The following PAK3 variants were observed in gnomAD, a reference collection of about 807,000 sequenced individuals.
PAK3 encodes p21 (RAC1) activated kinase 3, also known as serine/threonine-protein kinase PAK 3.
PAK3 carries 4 observed loss-of-function variants against 41.0 expected under a neutral mutation model. The ratio of observed to expected loss-of-function variants is 0.10; its 90% CI spans 0.05 to 0.22. The LOEUF is 0.22. Ranked by LOEUF, PAK3 falls within the 10% of genes least tolerant of loss-of-function variation. PAK3 has a pLI of 1.00. For synonymous variants in PAK3, 146 were observed against 139.6 expected (o/e 1.05, Z -0.32); for missense variants, 205 against 409.9 (o/e 0.50, Z 4.32).
At chrX:111,137,420 C>A (rs1207685598) in intron 5 of PAK3, among the ~76,000 whole-genome samples, 1 of 110,927 alleles carries the variant, frequency 9.0e-6, no homozygotes, top group Admixed American at 9.6e-5. Context: ...AAGGCTACCC[C>A]AGACTAACTG....
At chrX:111,012,959 T>C (rs1031401069) in intron 1 of PAK3, among the ~76,000 whole-genome samples, 5 of 111,660 alleles carry the variant, frequency 4.5e-5, no homozygotes, top group Non-Finnish European at 9.4e-5. Context: ...TATTTTTTAA[T>C]TTTTTAAAAA....
chrX:111,148,101 A>T (rs768408906), intron 7 of PAK3, among the ~76,000 whole-genome samples: 1 of 112,172 alleles, frequency 8.9e-6, no homozygotes, highest in African/African-American at 3.2e-5. Context: ...TAAGGTAATT[A>T]TTTAGTGAAG....
chrX:110,978,289 T>C (rs1168107027), intron 1 of PAK3, among the ~76,000 whole-genome samples: 1 of 111,538 alleles, frequency 9.0e-6, no homozygotes, highest in Non-Finnish European at 1.9e-5. Context: ...CATTTGGCTA[T>C]TTTTTTGTTT....
chrX:111,031,548 C>G (rs182342929), intron 1 of PAK3, among the ~76,000 whole-genome samples: 1,620 of 111,787 alleles, frequency 0.014, 27 homozygotes, highest in African/African-American at 0.049. Flanking sequence ...GTGGGAGCAG[C>G]TTTTCCTTTA....
intron 1 of PAK3, among the ~76,000 whole-genome samples, chrX:110,991,355 T>C (rs1334514859): frequency 2.7e-5 from 3 of 111,791 alleles, no homozygotes; most frequent in Non-Finnish European, 5.6e-5. Context: ...GCTATCATCA[T>C]CATCACCAGT....
At chrX:110,946,181 A>T (rs1385373373) in intron 1 of PAK3, among the ~76,000 whole-genome samples, 1 of 111,379 alleles carries the variant, frequency 9.0e-6, no homozygotes, top group Non-Finnish European at 1.9e-5. Flanking sequence ...AGTCTTGAAG[A>T]ATTAATTCAC....
intron 8 of PAK3, among the ~76,000 whole-genome samples, chrX:111,157,382 G>A (rs2149162243): frequency 8.9e-6 from 1 of 111,750 alleles, no homozygotes; most frequent in East Asian, 2.8e-4. Flanking sequence ...TGGAGTTCAT[G>A]GGTGGGCTTC....
At chrX:111,183,297 C>T (rs891763448) in intron 11 of PAK3, among the ~76,000 whole-genome samples, 1 of 111,077 alleles carries the variant, frequency 9.0e-6, no homozygotes, top group African/African-American at 3.3e-5. Flanking sequence ...GAGTATGGCT[C>T]AATAAGTGAA....
intron 1 of PAK3, among the ~76,000 whole-genome samples, chrX:111,053,745 C>G (rs2092580248): frequency 9.0e-6 from 1 of 110,989 alleles, no homozygotes; most frequent in Non-Finnish European, 1.9e-5. Context: ...GGGCCCTTAT[C>G]CACTGAATAG....
chrX:111,135,673 A>G (rs1211776484), intron 5 of PAK3, among the ~76,000 whole-genome samples: 1 of 111,673 alleles, frequency 9.0e-6, no homozygotes, highest in African/African-American at 3.3e-5. Flanking sequence ...CTCAAATGTC[A>G]GTTTTGACTG....
At chrX:110,972,930 T>C (rs2091242846) in intron 1 of PAK3, among the ~76,000 whole-genome samples, 1 of 111,679 alleles carries the variant, frequency 9.0e-6, no homozygotes, top group African/African-American at 3.3e-5. Flanking sequence ...CAAGCTTCAA[T>C]AGCCGATTCG....
intron 1 of PAK3, among the ~76,000 whole-genome samples, chrX:111,070,377 G>A (rs756081643): frequency 3.6e-5 from 4 of 111,788 alleles, no homozygotes; most frequent in Non-Finnish European, 5.6e-5. Flanking sequence ...GATTCAAAAA[G>A]TTCTGGTCAT....
At chrX:111,154,138 G>A (rs868283921) in intron 8 of PAK3, among the ~76,000 whole-genome samples, 9 of 111,493 alleles carry the variant, frequency 8.1e-5, no homozygotes, top group Admixed American at 1.9e-4. Flanking sequence ...CAGGAGCTGG[G>A]AGCAGGGGGA....
intron 14 of PAK3, among the ~76,000 whole-genome samples, chrX:111,194,738 T>G (rs920908051): frequency 8.9e-6 from 1 of 112,327 alleles, no homozygotes; most frequent in African/African-American, 3.2e-5. Context: ...CACTTCTTTC[T>G]AATTTGGGGA....
At chrX:111,146,064 G>T (rs2093940445) in intron 6 of PAK3, among the ~76,000 whole-genome samples, 1 of 111,540 alleles carries the variant, frequency 9.0e-6, no homozygotes, top group South Asian at 3.8e-4. Flanking sequence ...AACTAAAATT[G>T]GTTAACCAGA....
At chrX:111,020,748 T>C (rs2092165597) in intron 1 of PAK3, among the ~76,000 whole-genome samples, 1 of 111,397 alleles carries the variant, frequency 9.0e-6, no homozygotes, top group Non-Finnish European at 1.9e-5. Flanking sequence ...AGGCTTGTGG[T>C]CTGGGGTAAG....
chrX:111,000,351 C>T (rs951795202), intron 1 of PAK3, among the ~76,000 whole-genome samples: 8 of 112,066 alleles, frequency 7.1e-5, no homozygotes, highest in Non-Finnish European at 1.3e-4. Context: ...ACTTCCATAG[C>T]ATTCTTGCCA....
intron 1 of PAK3, among the ~76,000 whole-genome samples, chrX:111,011,202 T>C (rs955517128): frequency 1.8e-5 from 2 of 111,100 alleles, no homozygotes; most frequent in East Asian, 2.9e-4. Flanking sequence ...GTTTGGGCAG[T>C]TGGGACTCCT....
At chrX:111,045,762 A>G (rs2092491610) in intron 1 of PAK3, among the ~76,000 whole-genome samples, 1 of 111,289 alleles carries the variant, frequency 9.0e-6, no homozygotes, top group Admixed American at 9.6e-5. Context: ...AATTCTAGGA[A>G]ACTGCTTCCA....
Sources: allele counts gnomAD v4.1 joint callset (sites outside exome capture counted in the v4.1 genomes callset), GRCh38; gene constraint gnomAD v4.1.1; transcripts MANE v1.5; gene names NCBI Gene and HGNC (gene_info 2026-07-23, HGNC 2026-07-21).